SSR2: variants seen among roughly 807,000 people sequenced by gnomAD.
SSR2 encodes the protein translocon-associated protein subunit beta.
In SSR2, 16 loss-of-function variants were observed where a neutral mutation model predicts 22.6. The observed-to-expected ratio is 0.71, with a 90% confidence interval of 0.48 to 1.08. The LOEUF (loss-of-function observed/expected upper bound fraction) is 1.08, where lower values mean the gene tolerates loss of function less well. Among genes scored for constraint, SSR2 ranks in the 50% least tolerant of loss-of-function variants. The pLI is 0.00. For missense variants in SSR2, 171 were observed against 221.6 expected (o/e 0.77, Z 1.45); for synonymous variants, 83 against 91.2 (o/e 0.91, Z 0.51).
chr1:156,012,566 C>T (rs1427323698), intron 4 of SSR2: 9 of 456,120 alleles, frequency 2.0e-5, no homozygotes, highest in African/African-American at 1.8e-4. Flanking sequence ...GAGGTTGGTT[C>T]TGAAAGCAGA....
At chr1:156,015,284 T>C (rs568655603) in intron 3 of SSR2, among the ~76,000 whole-genome samples, 3 of 151,780 alleles carry the variant, frequency 2.0e-5, no homozygotes, top group East Asian at 1.9e-4. Flanking sequence ...GGCGGGTGGA[T>C]TGGCTGAGTT....
chr1:156,015,465 C>T (rs539875241), intron 3 of SSR2, among the ~76,000 whole-genome samples: 1 of 116,006 alleles, frequency 8.6e-6, no homozygotes, highest in African/African-American at 3.4e-5. Flanking sequence ...GAGATTGTGC[C>T]ACTGTACTCC....
At chr1:156,016,131 G>T (rs536085045) in intron 3 of SSR2, among the ~76,000 whole-genome samples, 5 of 151,662 alleles carry the variant, frequency 3.3e-5, no homozygotes, top group Admixed American at 6.6e-5. Flanking sequence ...AGACAAGAGC[G>T]ACAAGAGCGA....
chr1:156,015,535 A>AATATATATATATATATATATAT (rs1553254277), intron 3 of SSR2, among the ~76,000 whole-genome samples: 1 of 46,772 alleles, frequency 2.1e-5, no homozygotes, highest in African/African-American at 8.0e-5. Context: ...AAAAAAAAAA[A>AATATATATATATATATATATAT]ATATATATAT....
chr1:156,010,616 C>T (rs1214084772), intron 5 of SSR2: 1 of 152,172 alleles, frequency 6.6e-6, no homozygotes, highest in South Asian at 2.1e-4. Context: ...AGCTGTGAAA[C>T]CAAAGGACTC....
intron 2 of SSR2, chr1:156,019,413 C>A: frequency 8.6e-6 from 2 of 233,566 alleles, no homozygotes; most frequent in Non-Finnish European, 1.8e-5. Flanking sequence ...GATGGAGACT[C>A]GGTCTTGTGG....
chr1:156,017,743 T>TTTG (rs1683079452), intron 3 of SSR2, among the ~76,000 whole-genome samples: 4 of 107,206 alleles, frequency 3.7e-5, no homozygotes, highest in Non-Finnish European at 5.9e-5. Flanking sequence ...TTTCAGGTTT[T>TTTG]TTTTTTTTTT....
chr1:156,013,039 T>A, intron 4 of SSR2: 1 of 154,966 alleles, frequency 6.5e-6, no homozygotes, highest in South Asian at 2.0e-4. Context: ...GATCTATAAA[T>A]AAGAAACAAA....
Position 156,015,500 on chromosome 1 carries a change from C to T in SSR2, c.255-431G>A, listed in dbSNP as rs187705783. ...CAGCCTGGGTAACAGAGTGAGACTCCGCCTCAAAAAAAAAAAAAAAAAAAA... is the reference window on the plus strand; with the variant it reads ...CAGCCTGGGTAACAGAGTGAGACTCTGCCTCAAAAAAAAAAAAAAAAAAAA... On this transcript the variant is annotated intron_variant, in intron 3 of 5. Coordinates refer to ENST00000295702, the MANE Select transcript of SSR2 (RefSeq NM_003145.4). Among the ~76,000 whole-genome samples the T allele has an allele frequency of 4.8e-3, 280 of 58,318 alleles. 8 individuals are homozygous for T. The East Asian group carries it at 0.11, about 23-fold the overall frequency. The allele number at this position is 58,318 out of a possible 152,430, so 38.3% of individuals were successfully genotyped here.
intron 2 of SSR2, chr1:156,019,262 C>T (rs1369360254): frequency 2.2e-6 from 1 of 453,584 alleles, no homozygotes; most frequent in South Asian, 1.6e-5. Context: ...TCTTCATGTA[C>T]ATGCCTATGT....
chr1:156,018,979 G>A (rs1221397709), intron 2 of SSR2: 1 of 161,862 alleles, frequency 6.2e-6, no homozygotes, highest in African/African-American at 2.4e-5. Flanking sequence ...AGGTTGCAGT[G>A]AGCAGAGACT....
chr1:156,018,197 A>C (rs1429463285), intron 3 of SSR2, 73 bp downstream of exon 3: 4 of 1,131,716 alleles, frequency 3.5e-6, no homozygotes, highest in Non-Finnish European at 5.4e-6. Flanking sequence ...GCCTATTTGA[A>C]GTACCCCTGC....
intron 4 of SSR2, chr1:156,013,228 C>A (rs1021220941): frequency 1.3e-5 from 2 of 151,576 alleles, no homozygotes; most frequent in African/African-American, 4.9e-5. Flanking sequence ...GAGTTTGAGA[C>A]CAGCTTGGCC....
intron 2 of SSR2, chr1:156,019,247 A>G (rs1683109680): frequency 2.2e-6 from 1 of 454,294 alleles, no homozygotes; most frequent in Non-Finnish European, 4.4e-6. Flanking sequence ...CCTTGCCTCA[A>G]TTTTTCTTCA....
intron 2 of SSR2, among the ~76,000 whole-genome samples, chr1:156,018,624 C>A (rs1683097806): frequency 6.6e-6 from 1 of 151,712 alleles, no homozygotes; most frequent in Non-Finnish European, 1.5e-5. Flanking sequence ...AGGAGAACTG[C>A]TTGAACCCTG....
At chr1:156,019,779 T>C (rs1015987653) in intron 2 of SSR2, among the ~76,000 whole-genome samples, 34 of 152,208 alleles carry the variant, frequency 2.2e-4, no homozygotes, top group African/African-American at 8.2e-4. Flanking sequence ...TTCTTGCCAC[T>C]TCCCTACTCT....
intron 3 of SSR2, 136 bp from the exon 4 acceptor site, chr1:156,015,205 G>A (rs1166292292): frequency 3.0e-6 from 2 of 677,116 alleles, no homozygotes; most frequent in East Asian, 5.8e-5. Flanking sequence ...CTGCAGGAAT[G>A]AAAAAATATA....
chr1:156,009,717 A>G, intron 5 of SSR2, 67 bp from the exon 6 acceptor site: 1 of 1,016,654 alleles, frequency 9.8e-7, no homozygotes, highest in Admixed American at 2.4e-5. Context: ...CAGGGAAAAT[A>G]TGAGTCCAAT....
chr1:156,014,051 CT>C (rs1231423008), intron 4 of SSR2: 1 of 152,210 alleles, frequency 6.6e-6, no homozygotes, highest in Non-Finnish European at 1.5e-5. Context: ...TTAGTAGCTA[CT>C]GTGTAAATTT....
Sources: gnomAD v4.1 joint callset for allele counts (sites outside exome capture counted in the v4.1 genomes callset) on GRCh38, gnomAD v4.1.1 for gene constraint, MANE v1.5 for transcripts, NCBI Gene and HGNC (gene_info 2026-07-23, HGNC 2026-07-21) for gene names.